Variants in CLASP2 observed in about 807,000 individuals in gnomAD.
CLASP2 encodes the protein cytoplasmic linker associated protein 2, also known as CLIP-associating protein 2.
A neutral mutation model predicts 194.4 loss-of-function variants in CLASP2; 47 were observed. That is an observed-to-expected ratio of 0.24 (90% CI 0.19 to 0.31). The LOEUF is 0.31. Ranked by LOEUF, CLASP2 falls within the 10% of genes least tolerant of loss-of-function variation. CLASP2 has a pLI of 1.00. For missense variants in CLASP2, 1,445 were observed against 1,823.6 expected (o/e 0.79, Z 3.78); for synonymous variants, 619 against 633.5 (o/e 0.98, Z 0.34).
intron 18 of CLASP2, among the ~76,000 whole-genome samples, chr3:33,597,483 AGTT>A (rs1225815202): frequency 1.3e-5 from 2 of 152,144 alleles, no homozygotes; most frequent in African/African-American, 4.8e-5. Flanking sequence ...TGTGTGCAGA[AGTT>A]GTGGGGACAC....
intron 8 of CLASP2, 53 bp from the exon 9 acceptor site, chr3:33,632,424 C>A: frequency 1.7e-6 from 2 of 1,203,716 alleles, no homozygotes; most frequent in African/African-American, 1.5e-5. Context: ...AGCATCTTAA[C>A]ATTAATGACA....
intron 1 of CLASP2, among the ~76,000 whole-genome samples, chr3:33,707,998 T>G (rs1262835636): frequency 6.6e-6 from 1 of 152,174 alleles, no homozygotes; most frequent in Non-Finnish European, 1.5e-5. Flanking sequence ...TTAAGGATCT[T>G]CAGAGGGAAA....
intron 16 of CLASP2, among the ~76,000 whole-genome samples, chr3:33,605,087 C>T (rs2073453131): frequency 6.6e-6 from 1 of 152,170 alleles, no homozygotes; most frequent in Non-Finnish European, 1.5e-5. Flanking sequence ...AAAAATGTTA[C>T]ATTAGAGCAA....
intron 12 of CLASP2, among the ~76,000 whole-genome samples, chr3:33,619,139 C>G (rs2154276565): frequency 6.6e-6 from 1 of 152,186 alleles, no homozygotes; most frequent in Middle Eastern, 3.4e-3. Flanking sequence ...TGTATCGGAA[C>G]ATATCCAAAA....
intron 1 of CLASP2, among the ~76,000 whole-genome samples, chr3:33,703,075 G>C (rs1029676550): frequency 6.6e-6 from 1 of 152,140 alleles, no homozygotes; most frequent in Admixed American, 6.5e-5. Context: ...TGACACCAAA[G>C]GCATGGTCCA....
intron 37 of CLASP2, chr3:33,504,512 A>C (rs1271787917): frequency 1.3e-5 from 2 of 152,186 alleles, no homozygotes; most frequent in African/African-American, 4.8e-5. Context: ...TAATCATTCA[A>C]TTAGCTAGGC....
intron 36 of CLASP2, among the ~76,000 whole-genome samples, chr3:33,515,155 A>C (rs1386668790): frequency 6.6e-6 from 1 of 152,198 alleles, no homozygotes; most frequent in East Asian, 1.9e-4. Context: ...CCAAAATCTC[A>C]GAAATCACCA....
At chr3:33,584,244 G>A (rs1321890693) in intron 22 of CLASP2, among the ~76,000 whole-genome samples, 1 of 150,366 alleles carries the variant, frequency 6.7e-6, no homozygotes, top group Non-Finnish European at 1.5e-5. Context: ...ATTTTTCAAA[G>A]CTCCTATGAA....
In CLASP2 at chr3:33,558,977, T is replaced by C. The variant is rs899327971; in HGVS notation, c.3009+330A>G. The C allele has an allele frequency of 2.2e-5, 8 of 362,610 alleles. No homozygotes were observed. In the East Asian group the frequency reaches 4.1e-4, roughly 19 times the overall value. The allele number at this position is 362,610 out of a possible 1,614,324, so 22.5% of individuals were successfully genotyped here. ...CACCATTAAGTTTCTCCAAAAGACT[T>C]AGAGTCTGGCATTGCATTTAAATAA... On this transcript the variant is annotated intron_variant, in intron 29 of 38. Coordinates refer to ENST00000682230, the MANE Select transcript of CLASP2 (RefSeq NM_001365631.1).
intron 6 of CLASP2, among the ~76,000 whole-genome samples, chr3:33,665,962 A>G (rs1157629513): frequency 6.6e-6 from 1 of 152,178 alleles, no homozygotes; most frequent in Non-Finnish European, 1.5e-5. Context: ...CCAAAAGATT[A>G]TAAACACAAT....
intron 7 of CLASP2, among the ~76,000 whole-genome samples, chr3:33,656,314 C>T (rs1424276794): frequency 6.6e-6 from 1 of 152,020 alleles, no homozygotes; most frequent in Non-Finnish European, 1.5e-5. Flanking sequence ...AAATAAACAA[C>T]CACAAAAAGG....
intron 26 of CLASP2, among the ~76,000 whole-genome samples, chr3:33,567,552 G>A (rs1182762786): frequency 6.6e-6 from 1 of 151,898 alleles, no homozygotes; most frequent in Non-Finnish European, 1.5e-5. Flanking sequence ...CATTTGAGGG[G>A]CAAAAAATGG....
At chr3:33,712,122 A>G (rs543496210) in intron 1 of CLASP2, among the ~76,000 whole-genome samples, 1 of 152,336 alleles carries the variant, frequency 6.6e-6, no homozygotes, top group East Asian at 1.9e-4. Context: ...CTAAGTGCCC[A>G]TTAACCAATG....
intron 6 of CLASP2, among the ~76,000 whole-genome samples, chr3:33,677,921 C>G (rs935638199): frequency 1.5e-5 from 1 of 66,380 alleles, no homozygotes; most frequent in South Asian, 4.7e-4. Context: ...GAAATTCTAA[C>G]AAAGTACCAA....
At chr3:33,674,992 G>A (rs1370314518) in intron 6 of CLASP2, among the ~76,000 whole-genome samples, 7 of 152,134 alleles carry the variant, frequency 4.6e-5, no homozygotes, top group South Asian at 2.1e-4. Flanking sequence ...ATTCACAGCC[G>A]AATTCTACCA....
At chr3:33,704,126 A>C (rs2092547150) in intron 1 of CLASP2, among the ~76,000 whole-genome samples, 1 of 152,216 alleles carries the variant, frequency 6.6e-6, no homozygotes, top group Non-Finnish European at 1.5e-5. Flanking sequence ...TTTTTAGGGC[A>C]GTAAAACTAT....
intron 30 of CLASP2, among the ~76,000 whole-genome samples, chr3:33,550,858 T>G (rs984779233): frequency 6.6e-5 from 10 of 152,204 alleles, no homozygotes; most frequent in Non-Finnish European, 4.4e-5. Flanking sequence ...ATGAGAAAGC[T>G]AGGTCCTCAC....
intron 33 of CLASP2, among the ~76,000 whole-genome samples, chr3:33,535,992 A>T (rs1277663226): frequency 6.6e-6 from 1 of 152,116 alleles, no homozygotes; most frequent in Non-Finnish European, 1.5e-5. Flanking sequence ...GAATTTGGGT[A>T]CATACTTATC....
chr3:33,520,026 T>C (rs1575781556), intron 34 of CLASP2, among the ~76,000 whole-genome samples: 2 of 152,346 alleles, frequency 1.3e-5, no homozygotes, highest in African/African-American at 4.8e-5. Flanking sequence ...TCTTTTCTTT[T>C]TTTCTGAGAC....
Sources: gnomAD v4.1 joint callset for allele counts (sites outside exome capture counted in the v4.1 genomes callset) on GRCh38, gnomAD v4.1.1 for gene constraint, MANE v1.5 for transcripts, NCBI Gene and HGNC (gene_info 2026-07-23, HGNC 2026-07-21) for gene names.